SLCO1B3: variants seen among roughly 807,000 people sequenced by gnomAD.
SLCO1B3 encodes solute carrier organic anion transporter family member 1B3, also known as liver-specific organic anion transporter 2.
A neutral mutation model predicts 71.8 loss-of-function variants in SLCO1B3; 72 were observed. That is an observed-to-expected ratio of 1.00 (90% CI 0.83 to 1.22). SLCO1B3 has a LOEUF of 1.22. SLCO1B3 is among the 50% of genes most tolerant of loss of function. The pLI is 0.00. For synonymous variants in SLCO1B3, 298 were observed against 278.4 expected (o/e 1.07, Z -0.70); for missense variants, 911 against 819.7 (o/e 1.11, Z -1.36).
In SLCO1B3 at chr12:20,880,898, T is replaced by C; in HGVS notation, c.1375T>C (p.Cys459Arg). 6.2e-7 allele frequency: 1 copy of C among 1,610,874 alleles called. No homozygotes were observed. The highest frequency in any genetic ancestry group is 8.5e-7 in the Non-Finnish European group (1 of 1,177,314). Residue 459 changes from cysteine (C) to arginine (R), a missense_variant, in exon 12 of 16, where the codon TGC becomes CGC. By Grantham distance (180) the Cys-to-Arg change is radical. Transcript: ENST00000381545. The part of the protein sequence containing the change: ...ASHVDVPLSY[C>R]NSECNCDESQ... ...TCATGTAGATGTACCACTTTCTTAT[T>C]GCAACTCAGAGTGCAATTGTGATGA...
At chr12:20,861,363 CAGA>C (rs1865262474) in intron 6 of SLCO1B3, among the ~76,000 whole-genome samples, 2 of 152,124 alleles carry the variant, frequency 1.3e-5, no homozygotes, top group South Asian at 4.2e-4. Context: ...TCCAACCAAA[CAGA>C]AGGAGAAACC....
In SLCO1B3 at chr12:20,916,358, A is replaced by G; in HGVS notation, c.*111A>G. 2 of 1,010,304 alleles carry G rather than the reference A, an allele frequency of 2.0e-6. No individual in the cohort carries two copies. The highest frequency in any genetic ancestry group is 2.9e-6 in the Non-Finnish European group (2 of 684,650). 62.6% of individuals were successfully genotyped at this position (1,010,304 alleles called of 1,614,324 possible). A position where few individuals can be genotyped will look rare whatever the true frequency, so the allele number is the denominator to read the frequency against. On this transcript the variant is annotated 3_prime_UTR_variant, in exon 16 of 16. Coordinates refer to ENST00000381545, the MANE Select transcript of SLCO1B3 (RefSeq NM_019844.4). Reference sequence around the variant, plus strand: ...CAATGGATAAGTCTATGCATCTATAATAAACTATAAAAAATGGGAGTACCC... The same window carrying G: ...CAATGGATAAGTCTATGCATCTATAGTAAACTATAAAAAATGGGAGTACCC...
At chr12:20,843,391 T>C (rs931929847) in intron 3 of SLCO1B3, among the ~76,000 whole-genome samples, 2 of 152,180 alleles carry the variant, frequency 1.3e-5, no homozygotes, top group African/African-American at 4.8e-5. Context: ...TGCCACACTT[T>C]TGAGACCTTA....
intron 3 of SLCO1B3, among the ~76,000 whole-genome samples, chr12:20,833,661 T>C (rs1176304364): frequency 2.7e-5 from 3 of 111,148 alleles, no homozygotes; most frequent in Non-Finnish European, 4.2e-5. Context: ...ACTGTGTGTG[T>C]GCATATATAC....
intron 2 of SLCO1B3, among the ~76,000 whole-genome samples, chr12:20,814,747 C>T (rs969313822): frequency 2.0e-5 from 3 of 151,790 alleles, no homozygotes; most frequent in African/African-American, 7.3e-5. Flanking sequence ...AACAATTAGC[C>T]GGGCGTTGTG....
chr12:20,850,711 T>C (rs930831408), intron 3 of SLCO1B3, among the ~76,000 whole-genome samples: 6 of 152,222 alleles, frequency 3.9e-5, no homozygotes, highest in Non-Finnish European at 7.3e-5. Flanking sequence ...TTTGTATCCA[T>C]ATGTACTTAA....
intron 1 of SLCO1B3, among the ~76,000 whole-genome samples, chr12:20,811,557 G>C (rs1864110931): frequency 6.6e-6 from 1 of 152,116 alleles, no homozygotes. Flanking sequence ...GCCTGCACTG[G>C]TTTTCTATAA....
rs1007686555 is a variant in SLCO1B3 at position 20,855,159 on chromosome 12, C to G, written c.216C>G (p.Ser72Arg). Reference sequence around the variant, plus strand: ...CTCTTGCTGGTTTAATTGATGGAAGCTTTGAAATTGGTAACTTTTATTTTT... The same window carrying G: ...CTCTTGCTGGTTTAATTGATGGAAGGTTTGAAATTGGTAACTTTTATTTTT... Reference protein sequence around the residue: ...SSSLAGLIDGSFEIGNLLVIV... With the variant: ...SSSLAGLIDGRFEIGNLLVIV... Residue 72 changes from serine (S) to arginine (R), a missense_variant, in exon 4 of 16, where the codon AGC (serine) becomes AGG (arginine). Ser to Arg is a moderately radical substitution (Grantham distance 110). Coordinates refer to ENST00000381545, the MANE Select transcript of SLCO1B3 (RefSeq NM_019844.4). 1 of 1,605,854 alleles carries G rather than the reference C, an allele frequency of 6.2e-7. No individual in the cohort carries two copies.
chr12:20,850,149 A>T (rs1022719033), intron 3 of SLCO1B3, among the ~76,000 whole-genome samples: 3 of 151,256 alleles, frequency 2.0e-5, no homozygotes, highest in Non-Finnish European at 4.4e-5. Flanking sequence ...TTGGAAAAAA[A>T]TTTTTAAAAC....
At chr12:20,888,723 A>G (rs1304944941) in intron 13 of SLCO1B3, among the ~76,000 whole-genome samples, 1 of 151,972 alleles carries the variant, frequency 6.6e-6, no homozygotes, top group African/African-American at 2.4e-5. Context: ...TTCCAATACT[A>G]CGTTGAATAC....
chr12:20,814,241 C>T (rs1434555350), intron 2 of SLCO1B3, among the ~76,000 whole-genome samples: 2 of 152,240 alleles, frequency 1.3e-5, no homozygotes, highest in Middle Eastern at 3.4e-3. Context: ...AAAAAGTTGA[C>T]TCATTTTACT....
At chr12:20,895,383 G>T (rs943287795) in intron 13 of SLCO1B3, among the ~76,000 whole-genome samples, 1 of 152,104 alleles carries the variant, frequency 6.6e-6, no homozygotes. Context: ...AGATACAATG[G>T]GGGTACAGGC....
At chr12:20,835,137 C>T (rs762985639) in intron 3 of SLCO1B3, among the ~76,000 whole-genome samples, 1 of 152,160 alleles carries the variant, frequency 6.6e-6, no homozygotes, top group African/African-American at 2.4e-5. Context: ...CCCCTTTTAG[C>T]CATGGCTGGA....
chr12:20,813,129 C>A (rs911597308), intron 1 of SLCO1B3, among the ~76,000 whole-genome samples: 1 of 152,048 alleles, frequency 6.6e-6, no homozygotes, highest in Non-Finnish European at 1.5e-5. Flanking sequence ...TATACACTCG[C>A]ATATACATAA....
At chr12:20,815,941 C>A in intron 3 of SLCO1B3, 119 bp downstream of exon 3, 1 of 499,618 alleles carries the variant, frequency 2.0e-6, no homozygotes, top group Non-Finnish European at 3.5e-6. Context: ...TCCATTGAAG[C>A]GTACATTAAA....
intron 8 of SLCO1B3, among the ~76,000 whole-genome samples, chr12:20,863,276 C>T (rs2121256162): frequency 6.6e-6 from 1 of 152,158 alleles, no homozygotes; most frequent in East Asian, 1.9e-4. Flanking sequence ...TTAAGAGAGG[C>T]CACAGTGCAC....
intron 8 of SLCO1B3, among the ~76,000 whole-genome samples, chr12:20,868,180 T>TA (rs996383402): frequency 1.3e-4 from 20 of 152,268 alleles, no homozygotes; most frequent in African/African-American, 4.6e-4. Context: ...CTATTAGTGC[T>TA]AAAAAAGCAC....
intron 13 of SLCO1B3, among the ~76,000 whole-genome samples, chr12:20,885,091 G>C (rs1233703067): frequency 6.6e-6 from 1 of 152,078 alleles, no homozygotes; most frequent in Non-Finnish European, 1.5e-5. Context: ...TAAAAACATT[G>C]TTCCATCCTT....
At position 20,819,270 on chromosome 12, in the gene SLCO1B3, C is replaced by T. The variant is rs182873080; in HGVS notation, c.84+3448C>T. On this transcript the variant is annotated intron_variant, in intron 3 of 15. Coordinates refer to ENST00000381545, the MANE Select transcript of SLCO1B3 (RefSeq NM_019844.4). Reference sequence around the variant, plus strand: ...TGAGGTTTGGGAGATTAATCGGACACGATCATCAGGGAGAGCATGTGTGTT... The same window carrying T: ...TGAGGTTTGGGAGATTAATCGGACATGATCATCAGGGAGAGCATGTGTGTT... 4.4e-3 allele frequency among the ~76,000 whole-genome samples: 671 copies of T among 152,220 alleles called. 4 individuals are homozygous for T. The highest frequency in any genetic ancestry group is 0.015 in the African/African-American group (619 of 41,520).
Sources: allele counts gnomAD v4.1 joint callset (sites outside exome capture counted in the v4.1 genomes callset), GRCh38; gene constraint gnomAD v4.1.1; transcripts MANE v1.5; gene names NCBI Gene and HGNC (gene_info 2026-07-23, HGNC 2026-07-21).